The following LINGO2 variants were observed in gnomAD, a reference collection of about 807,000 sequenced individuals.
LINGO2 encodes the protein leucine-rich repeat and immunoglobulin-like domain-containing nogo receptor-interacting protein 2.
Under a neutral mutation model 30.6 loss-of-function variants are expected in LINGO2, and 14 were observed. The ratio of observed to expected loss-of-function variants is 0.46; its 90% CI spans 0.30 to 0.72. The LOEUF is 0.72. Ranked by LOEUF, LINGO2 falls within the 30% of genes least tolerant of loss-of-function variation. The pLI is 0.07. For synonymous variants in LINGO2, 317 were observed against 288.5 expected (o/e 1.10, Z -1.00); for missense variants, 729 against 751.7 (o/e 0.97, Z 0.35).
chr9:29,066,383 TA>T, the LINGO2 span, among the ~76,000 whole-genome samples: 1 of 151,950 alleles, frequency 6.6e-6, no homozygotes, highest in Non-Finnish European at 1.5e-5. Flanking sequence ...CAAGTCTTAA[TA>T]ATCTTGTGTA....
chr9:28,087,207 A>G (rs1563966095), intron 4 of LINGO2, among the ~76,000 whole-genome samples: 1 of 152,088 alleles, frequency 6.6e-6, no homozygotes, highest in Non-Finnish European at 1.5e-5. Flanking sequence ...TCCAGCAGAG[A>G]TAAGATGAGA....
the LINGO2 span, among the ~76,000 whole-genome samples, chr9:29,195,292 T>C: frequency 3.3e-5 from 5 of 152,084 alleles, no homozygotes; most frequent in African/African-American, 4.8e-5. Flanking sequence ...ATTGATTTTA[T>C]TGTTTCCTTA....
chr9:28,173,484 T>G (rs1263896441), intron 4 of LINGO2, among the ~76,000 whole-genome samples: 1 of 152,168 alleles, frequency 6.6e-6, no homozygotes, highest in Non-Finnish European at 1.5e-5. Context: ...TAGGACCAAT[T>G]TTTTGAATTA....
At chr9:29,055,975 T>TACAC in the LINGO2 span, among the ~76,000 whole-genome samples, 2 of 150,430 alleles carry the variant, frequency 1.3e-5, no homozygotes. Flanking sequence ...TATATATGCA[T>TACAC]ACACACACAC....
intron 1 of LINGO2, among the ~76,000 whole-genome samples, chr9:28,666,231 C>G (rs1007261048): frequency 4.6e-5 from 7 of 151,874 alleles, no homozygotes; most frequent in African/African-American, 1.7e-4. Flanking sequence ...GGTTTGAAAG[C>G]ATGCATAATT....
intron 4 of LINGO2, among the ~76,000 whole-genome samples, chr9:28,216,606 G>T (rs1454501984): frequency 6.6e-6 from 1 of 151,874 alleles, no homozygotes; most frequent in Non-Finnish European, 1.5e-5. Flanking sequence ...AACTATTTGA[G>T]TTGAGAATGC....
chr9:28,169,323 A>G (rs1828517670), intron 4 of LINGO2, among the ~76,000 whole-genome samples: 1 of 152,194 alleles, frequency 6.6e-6, no homozygotes, highest in Non-Finnish European at 1.5e-5. Context: ...AGAACTGAGG[A>G]AAGTAGGTAA....
chr9:27,971,685 G>A lies in LINGO2; in HGVS notation c.-35-20979C>T, dbSNP rs574234023. On this transcript the variant is annotated intron_variant, in intron 5 of 5. Coordinates refer to ENST00000379992, the Ensembl canonical transcript of LINGO2. ...ATTACAGACATGAGCCACGGCGCCCGGCCTGAAATTTAGTCTTTTTAGAAG... is the reference window on the plus strand; with the variant it reads ...ATTACAGACATGAGCCACGGCGCCCAGCCTGAAATTTAGTCTTTTTAGAAG... Among the ~76,000 whole-genome samples, 6 of 152,208 alleles carry A rather than the reference G, an allele frequency of 3.9e-5. No individual in the cohort carries two copies. In the East Asian group the frequency reaches 5.8e-4, roughly 15 times the overall value.
the LINGO2 span, among the ~76,000 whole-genome samples, chr9:29,189,091 G>A: frequency 1.2e-5 from 1 of 81,790 alleles, no homozygotes; most frequent in African/African-American, 3.4e-5. Context: ...GGACGGGGCG[G>A]CTGGCCGACC....
the LINGO2 span, among the ~76,000 whole-genome samples, chr9:29,048,645 C>T: frequency 5.9e-5 from 9 of 151,912 alleles, no homozygotes; most frequent in Admixed American, 5.9e-4. Flanking sequence ...GGAACAGAGA[C>T]TCCAAAAACA....
At chr9:28,716,504 C>T in the LINGO2 span, among the ~76,000 whole-genome samples, 2 of 151,942 alleles carry the variant, frequency 1.3e-5, no homozygotes, top group African/African-American at 2.4e-5. Flanking sequence ...CTAAGACCTG[C>T]GTTAAAAAGA....
At chr9:28,140,513 A>G (rs1827642635) in intron 4 of LINGO2, among the ~76,000 whole-genome samples, 1 of 152,210 alleles carries the variant, frequency 6.6e-6, no homozygotes, top group South Asian at 2.1e-4. Context: ...TTCCTAGTCC[A>G]GCCTCACTGA....
At chr9:29,072,428 A>G in the LINGO2 span, among the ~76,000 whole-genome samples, 2 of 151,960 alleles carry the variant, frequency 1.3e-5, no homozygotes, top group Non-Finnish European at 2.9e-5. Context: ...CACACAACTC[A>G]GTAAATGTAC....
At chr9:29,043,055 A>G in the LINGO2 span, among the ~76,000 whole-genome samples, 34 of 151,900 alleles carry the variant, frequency 2.2e-4, no homozygotes, top group Non-Finnish European at 1.0e-4. Context: ...TTAGAGCACT[A>G]TGTAAATCTA....
At chr9:28,344,764 C>T (rs1306574948) in intron 3 of LINGO2, among the ~76,000 whole-genome samples, 1 of 151,994 alleles carries the variant, frequency 6.6e-6, no homozygotes, top group Non-Finnish European at 1.5e-5. Flanking sequence ...AATAAAGACT[C>T]AAGGATTTAA....
At chr9:29,105,400 T>C in the LINGO2 span, among the ~76,000 whole-genome samples, 1 of 152,198 alleles carries the variant, frequency 6.6e-6, no homozygotes, top group Non-Finnish European at 1.5e-5. Context: ...AAGATGAATT[T>C]TTCTACGTAA....
chr9:28,337,962 G>A (rs990786267), intron 3 of LINGO2, among the ~76,000 whole-genome samples: 2 of 152,170 alleles, frequency 1.3e-5, no homozygotes, highest in African/African-American at 4.8e-5. Context: ...GGTACTGCCT[G>A]GTGGAGCTAT....
chr9:28,965,889 G>A, the LINGO2 span, among the ~76,000 whole-genome samples: 1 of 152,228 alleles, frequency 6.6e-6, no homozygotes, highest in East Asian at 1.9e-4. Flanking sequence ...CTTCACAAGG[G>A]CTGCATAGGG....
the LINGO2 span, among the ~76,000 whole-genome samples, chr9:28,952,148 T>C: frequency 5.9e-5 from 9 of 152,000 alleles, no homozygotes; most frequent in Admixed American, 1.3e-4. Flanking sequence ...GCAGCAGAGA[T>C]AGACAGTCAG....
Sources: gnomAD v4.1 joint callset for allele counts (sites outside exome capture counted in the v4.1 genomes callset) on GRCh38, gnomAD v4.1.1 for gene constraint, MANE v1.5 for transcripts, NCBI Gene and HGNC (gene_info 2026-07-23, HGNC 2026-07-21) for gene names.